The following SLC5A3 variants were observed in gnomAD, a reference collection of about 807,000 sequenced individuals.
SLC5A3 encodes the protein solute carrier family 5 member 3, also known as sodium/myo-inositol cotransporter.
SLC5A3 carries 10 observed loss-of-function variants against 43.2 expected under a neutral mutation model. The observed-to-expected ratio is 0.23, with a 90% confidence interval of 0.14 to 0.39. SLC5A3 has a LOEUF of 0.39. Among genes scored for constraint, SLC5A3 ranks in the 10% least tolerant of loss-of-function variants. The pLI is 1.00. For missense variants in SLC5A3, 608 were observed against 893.4 expected (o/e 0.68, Z 4.07); for synonymous variants, 349 against 322.0 (o/e 1.08, Z -0.90).
chr21:34,094,737 A>AG (rs1216951128), intron 1 of SLC5A3, 126 bp from the exon 2 acceptor site: 1 of 3,246 alleles, frequency 3.1e-4, no homozygotes, highest in Non-Finnish European at 4.7e-4. Flanking sequence ...AGTGTATTAA[A>AG]AAAATTTTTT....
rs1979005241 is a variant in SLC5A3 at position 34,097,207 on chromosome 21, G to A, written c.2009G>A (p.Ser670Asn). ...WFCGFKSKSL[S>N]KRSLRDLMEE... ...TGTGGCTTTAAAAGTAAGAGCCTCAGCAAGAGGAGTCTCAGAGACCTGATG... is the reference window on the plus strand; with the variant it reads ...TGTGGCTTTAAAAGTAAGAGCCTCAACAAGAGGAGTCTCAGAGACCTGATG... Residue 670 changes from serine to asparagine, a missense_variant, in exon 2 of 2, where the codon AGC becomes AAC. Physicochemically the swap from Ser to Asn is conservative, Grantham distance 46. Transcript: ENST00000381151. The A allele has an allele frequency of 1.9e-6, 3 of 1,613,996 alleles. No individual in the cohort carries two copies. In the South Asian group the frequency reaches 3.3e-5, roughly 18 times the overall value.
Position 34,095,834 on chromosome 21 carries a change from A to G in SLC5A3, c.636A>G (p.Glu212=). ...TAATGGAGATTGGCGGGTTTGAGGA[A>G]GTTAAGAGAAGGTACATGTTGGCCT... is the stretch of plus-strand genomic sequence containing the variant. The part of the protein sequence containing the change: ...ISIMEIGGFE[E]VKRRYMLASP... The change falls in exon 2 of 2, where the codon GAA becomes GAG. Residue 212 remains glutamate (E), a synonymous_variant. Transcript: ENST00000381151. The G allele has an allele frequency of 1.2e-6, 2 of 1,614,038 alleles. No individual in the cohort carries two copies. Among genetic ancestry groups the G allele is most frequent in the Non-Finnish European group, 1.7e-6 (2 of 1,179,988 alleles).
In SLC5A3 at chr21:34,095,176, G is replaced by A. The variant is rs766758419; in HGVS notation, c.-23G>A. On this transcript the variant is annotated 5_prime_UTR_variant, in exon 2 of 2. Transcript: ENST00000381151. ...AGTTGGACACTTCTGTCATTGGAGC[G>A]CTATTATTCACAAGTTACCAGAATG... The A allele has an allele frequency of 1.9e-6, 3 of 1,565,532 alleles. No individual in the cohort carries two copies. The highest frequency in any genetic ancestry group is 2.0e-5 in the Admixed American group (1 of 51,142).
In SLC5A3 at chr21:34,105,825, A is replaced by G. The variant is rs1979452330; in HGVS notation, c.*8470A>G. ...TTGCAAGCAGAAAGTAGAATTTGGTATAAAGCAGGTTATTTCTATATTGAA... is the reference window on the plus strand; with the variant it reads ...TTGCAAGCAGAAAGTAGAATTTGGTGTAAAGCAGGTTATTTCTATATTGAA... On this transcript the variant is annotated 3_prime_UTR_variant, in exon 2 of 2. Coordinates refer to ENST00000381151, the MANE Select transcript of SLC5A3 (RefSeq NM_006933.7). 1 of 995,882 alleles carries G rather than the reference A, an allele frequency of 1.0e-6. No individual in the cohort carries two copies. Among genetic ancestry groups the G allele is most frequent in the Non-Finnish European group, 1.2e-6 (1 of 826,132 alleles). The allele number at this position is 995,882 out of a possible 1,614,324, so 61.7% of individuals were successfully genotyped here. A position where few individuals can be genotyped will look rare whatever the true frequency, so the allele number is the denominator to read the frequency against.
At chr21:34,076,289 TG>T (rs952559392) in intron 1 of SLC5A3, among the ~76,000 whole-genome samples, 9 of 152,212 alleles carry the variant, frequency 5.9e-5, no homozygotes, top group African/African-American at 2.2e-4. Flanking sequence ...ACTTTTTTTT[TG>T]ACCCTAGCTT....
chr21:34,088,613 T>A (rs1432674553), intron 1 of SLC5A3, among the ~76,000 whole-genome samples: 1 of 152,254 alleles, frequency 6.6e-6, no homozygotes, highest in Non-Finnish European at 1.5e-5. Flanking sequence ...GTCAGTAATG[T>A]CCTTTTCACT....
Position 34,103,179 on chromosome 21 carries a change from G to C in SLC5A3, c.*5824G>C, listed in dbSNP as rs1273591495. 2 of 999,884 alleles carry C rather than the reference G, an allele frequency of 2.0e-6. No homozygotes were observed. Among genetic ancestry groups the C allele is most frequent in the African/African-American group, 3.5e-5 (2 of 57,202 alleles). The allele number at this position is 999,884 out of a possible 1,614,324, so 61.9% of individuals were successfully genotyped here. On this transcript the variant is annotated 3_prime_UTR_variant, in exon 2 of 2. Transcript: ENST00000381151. ...TATATGGTATTCCATAATATAACCA[G>C]CTTTTGAAATTTATGTGTTTGGATT...
At chr21:34,075,502 A>G (rs1259561590) in intron 1 of SLC5A3, among the ~76,000 whole-genome samples, 1 of 152,214 alleles carries the variant, frequency 6.6e-6, no homozygotes, top group African/African-American at 2.4e-5. Context: ...GGTTAAAATA[A>G]TAAATAACCT....
rs1475368754 is a variant in SLC5A3 at position 34,096,509 on chromosome 21, G to A, written c.1311G>A (p.Met437Ile). The change falls in exon 2 of 2, where the codon ATG becomes ATA. Residue 437 changes from methionine to isoleucine, a missense_variant. Physicochemically the swap from Met to Ile is conservative, Grantham distance 10. Around this residue, in one of 2 missense-constraint regions of SLC5A3, gnomAD observed 398 missense variants for 668.6 expected, o/e 0.60. Coordinates refer to ENST00000381151, the MANE Select transcript of SLC5A3 (RefSeq NM_006933.7). This position sits in a 1 kb window ranked among gnomAD's most constrained non-coding sequence, Gnocchi z 5.9. ...PIIVEMQGGQ[M>I]YLYIQEVADY... is the part of the protein sequence containing the mutation. Reference sequence around the variant, plus strand: ...TCGTGGAGATGCAAGGAGGCCAGATGTACCTTTACATTCAGGAGGTAGCAG... The same window carrying A: ...TCGTGGAGATGCAAGGAGGCCAGATATACCTTTACATTCAGGAGGTAGCAG... 2.5e-6 allele frequency: 4 copies of A among 1,614,058 alleles called. No individual in the cohort carries two copies. In the African/African-American group the frequency reaches 4.0e-5, roughly 16 times the overall value.
rs946398884 is a variant in SLC5A3 at position 34,104,244 on chromosome 21, T to TG, written c.*6893dup. 63 of 1,000,166 alleles carry TG rather than the reference T, an allele frequency of 6.3e-5. No homozygotes were observed. The highest frequency in any genetic ancestry group is 7.3e-5 in the Non-Finnish European group (61 of 829,932). 62.0% of individuals were successfully genotyped at this position (1,000,166 alleles called of 1,614,324 possible). On this transcript the variant is annotated 3_prime_UTR_variant, in exon 2 of 2. Coordinates refer to ENST00000381151, the MANE Select transcript of SLC5A3 (RefSeq NM_006933.7). Reference sequence around the variant, plus strand: ...AGAGGAGCTACTTTGCTTTTCACAATGGGGTGGAGAGGATTCTTTCACTTG... The same window carrying TG: ...AGAGGAGCTACTTTGCTTTTCACAATGGGGGTGGAGAGGATTCTTTCACTTG...
chr21:34,080,556 TGG>T (rs1989435697), intron 1 of SLC5A3, among the ~76,000 whole-genome samples: 2 of 152,218 alleles, frequency 1.3e-5, no homozygotes, highest in Admixed American at 1.3e-4. Context: ...TTAACTCATT[TGG>T]TACATTAAAC....
In SLC5A3 at chr21:34,105,502, A is replaced by G; in HGVS notation, c.*8147A>G. ...AATTTTGATATGTAAGTATTAATGC[A>G]TTTTTAAAAGATGTCTACATTGAAA... On this transcript the variant is annotated 3_prime_UTR_variant, in exon 2 of 2. Transcript: ENST00000381151. 1 of 999,958 alleles carries G rather than the reference A, an allele frequency of 1.0e-6. No homozygotes were observed. The highest frequency in any genetic ancestry group is 1.2e-6 in the Non-Finnish European group (1 of 829,786). 61.9% of individuals were successfully genotyped at this position (999,958 alleles called of 1,614,324 possible).
chr21:34,102,238 G>A lies in SLC5A3; in HGVS notation c.*4883G>A, dbSNP rs1979271762. 2 of 999,732 alleles carry A rather than the reference G, an allele frequency of 2.0e-6. No homozygotes were observed. The highest frequency in any genetic ancestry group is 2.4e-6 in the Non-Finnish European group (2 of 829,764). 61.9% of individuals were successfully genotyped at this position (999,732 alleles called of 1,614,324 possible). On this transcript the variant is annotated 3_prime_UTR_variant, in exon 2 of 2. Coordinates refer to ENST00000381151, the MANE Select transcript of SLC5A3 (RefSeq NM_006933.7). The stretch of plus-strand genomic sequence containing the variant: ...TCAAAGTAATTAACTGGCTTTGCCA[G>A]TGGTGAGTCCCACACCATTATTCAC...
chr21:34,078,647 C>T (rs1989389218), intron 1 of SLC5A3, among the ~76,000 whole-genome samples: 1 of 152,060 alleles, frequency 6.6e-6, no homozygotes, highest in Non-Finnish European at 1.5e-5. Context: ...CGGGAAAATT[C>T]TGAAGTAATA....
chr21:34,096,515 T>G lies in SLC5A3; in HGVS notation c.1317T>G (p.Leu439=), dbSNP rs1602929833. The change falls in exon 2 of 2, where the codon CTT becomes CTG. Residue 439 remains leucine (L), a synonymous_variant. Coordinates refer to ENST00000381151, the MANE Select transcript of SLC5A3 (RefSeq NM_006933.7). The surrounding 1 kb of genome is among the most constrained non-coding windows in gnomAD (Gnocchi z 5.9). ...IVEMQGGQMY[L]YIQEVADYLT... is the part of the protein sequence containing the mutation. The stretch of plus-strand genomic sequence containing the variant: ...AGATGCAAGGAGGCCAGATGTACCT[T>G]TACATTCAGGAGGTAGCAGATTACC... The G allele has an allele frequency of 6.2e-7, 1 of 1,614,114 alleles. No homozygotes were observed. The highest frequency in any genetic ancestry group is 8.5e-7 in the Non-Finnish European group (1 of 1,180,010).
At chr21:34,081,483 TG>T (rs1989457819) in intron 1 of SLC5A3, among the ~76,000 whole-genome samples, 1 of 152,188 alleles carries the variant, frequency 6.6e-6, no homozygotes, top group Non-Finnish European at 1.5e-5. Context: ...CTATTATAAA[TG>T]AGTAGAAAAA....
rs773718366 is a variant in SLC5A3, at chr21:34,096,708, G to A, written c.1510G>A (p.Gly504Ser). 2 of 1,613,950 alleles carry A rather than the reference G, an allele frequency of 1.2e-6. No individual in the cohort carries two copies. Among genetic ancestry groups the A allele is most frequent in the Non-Finnish European group, 1.7e-6 (2 of 1,179,976 alleles). Residue 504 changes from glycine (G) to serine (S), a missense_variant, in exon 2 of 2, where the codon GGC (glycine) becomes AGC (serine). Gly to Ser is a moderately conservative substitution (Grantham distance 56). This residue lies in a region of SLC5A3 where 398 missense variants were observed against 668.6 expected (regional missense o/e 0.60). Transcript: ENST00000381151. This position sits in a 1 kb window ranked among gnomAD's most constrained non-coding sequence, Gnocchi z 5.9. ...ATGTGACCAACCTGATAATAGGCCG[G>A]GCTTCATCAAAGACATCCATTATAT... ...PECDQPDNRP[G>S]FIKDIHYMYV...
In SLC5A3 at chr21:34,100,741, T is replaced by C. The variant is rs879015547; in HGVS notation, c.*3386T>C. On this transcript the variant is annotated 3_prime_UTR_variant, in exon 2 of 2. Transcript: ENST00000381151. ...AACTCTTGTGAGAGCCAATAGAGTGTGTCTGTATTCGCAGTCCATGGCTCA... is the reference window on the plus strand; with the variant it reads ...AACTCTTGTGAGAGCCAATAGAGTGCGTCTGTATTCGCAGTCCATGGCTCA... 5.0e-6 allele frequency: 5 copies of C among 999,970 alleles called. No individual in the cohort carries two copies. The highest frequency in any genetic ancestry group is 6.0e-6 in the Non-Finnish European group (5 of 829,760). 61.9% of individuals were successfully genotyped at this position (999,970 alleles called of 1,614,324 possible).
chr21:34,101,518 A>C lies in SLC5A3; in HGVS notation c.*4163A>C, dbSNP rs1455116659. The stretch of plus-strand genomic sequence containing the variant: ...TTCTTTACAAATGGGATCTGTTTCT[A>C]TATGTGTATATGCCCACTTACCATT... On this transcript the variant is annotated 3_prime_UTR_variant, in exon 2 of 2. Transcript: ENST00000381151. 1.0e-6 allele frequency: 1 copy of C among 1,000,038 alleles called. No homozygotes were observed. The highest frequency in any genetic ancestry group is 6.2e-5 in the Admixed American group (1 of 16,244). The allele number at this position is 1,000,038 out of a possible 1,614,324, so 61.9% of individuals were successfully genotyped here.
Sources: gnomAD v4.1 joint callset for allele counts (sites outside exome capture counted in the v4.1 genomes callset) on GRCh38, gnomAD v4.1.1 for gene constraint, gnomAD v4.1.1 regional missense constraint, Gnocchi (gnomAD v3.1) non-coding constraint, MANE v1.5 for transcripts, NCBI Gene and HGNC (gene_info 2026-07-23, HGNC 2026-07-21) for gene names.